The following RALYL variants were observed in gnomAD, a reference collection of about 807,000 sequenced individuals.
RALYL encodes the protein RNA-binding Raly-like protein.
In RALYL, 29 loss-of-function variants were observed where a neutral mutation model predicts 35.1. The ratio of observed to expected loss-of-function variants is 0.83; its 90% CI spans 0.61 to 1.13. RALYL has a LOEUF of 1.13. RALYL is among the 50% of genes most tolerant of loss of function. The pLI is 0.00. For missense variants in RALYL, 359 were observed against 360.4 expected (o/e 1.00, Z 0.03); for synonymous variants, 120 against 127.6 (o/e 0.94, Z 0.40).
intron 1 of RALYL, among the ~76,000 whole-genome samples, chr8:84,457,476 C>T (rs1005111394): frequency 4.6e-5 from 7 of 151,828 alleles, no homozygotes; most frequent in Middle Eastern, 3.2e-3. Flanking sequence ...TAATGATATA[C>T]AAAGTGTTGT....
intron 2 of RALYL, among the ~76,000 whole-genome samples, chr8:84,622,054 T>G (rs1480149895): frequency 3.9e-5 from 6 of 152,226 alleles, no homozygotes; most frequent in Non-Finnish European, 7.3e-5. Context: ...GTTAAAACTT[T>G]AAATGCATGG....
At chr8:84,618,369 G>T (rs1457439685) in intron 2 of RALYL, among the ~76,000 whole-genome samples, 2 of 151,652 alleles carry the variant, frequency 1.3e-5, no homozygotes, top group African/African-American at 4.9e-5. Context: ...AGATTTTGTA[G>T]TTTATTTGCA....
At chr8:84,506,218 A>C (rs1468520238) in intron 1 of RALYL, among the ~76,000 whole-genome samples, 3 of 152,092 alleles carry the variant, frequency 2.0e-5, no homozygotes, top group Non-Finnish European at 4.4e-5. Flanking sequence ...CTGCAGCTTT[A>C]TAAAGAAAGT....
chr8:84,611,497 C>G (rs974059172), intron 2 of RALYL, among the ~76,000 whole-genome samples: 3 of 152,010 alleles, frequency 2.0e-5, no homozygotes, highest in Non-Finnish European at 4.4e-5. Flanking sequence ...AATAGAGACA[C>G]TTAGAGATAT....
chr8:84,342,754 T>C (rs1418570271), intron 1 of RALYL, among the ~76,000 whole-genome samples: 1 of 151,956 alleles, frequency 6.6e-6, no homozygotes, highest in African/African-American at 2.4e-5. Context: ...TTGGCTTCCT[T>C]TGGTGTATGA....
intron 1 of RALYL, among the ~76,000 whole-genome samples, chr8:84,227,873 A>C (rs1253156383): frequency 2.6e-5 from 4 of 152,172 alleles, no homozygotes; most frequent in South Asian, 2.1e-4. Flanking sequence ...ACTATCATAA[A>C]TGGCATTTAT....
rs139204720 is a variant in RALYL, at chr8:84,523,241, A to G, written c.-23-6058A>G. ...TGAATGAAGAGCAAAGGCATGACATATGGCAGCAGGCAAGAGGGCATGTGC... is the reference window on the plus strand; with the variant it reads ...TGAATGAAGAGCAAAGGCATGACATGTGGCAGCAGGCAAGAGGGCATGTGC... On this transcript the variant is annotated intron_variant, in intron 1 of 8. Transcript: ENST00000521268. Among the ~76,000 whole-genome samples, 599 of 151,988 alleles carry G rather than the reference A, an allele frequency of 3.9e-3. 4 individuals are homozygous for G. Among genetic ancestry groups the G allele is most frequent in the South Asian group, 0.03 (146 of 4,822 alleles).
At chr8:84,517,468 A>G (rs1313943680) in intron 1 of RALYL, among the ~76,000 whole-genome samples, 1 of 152,214 alleles carries the variant, frequency 6.6e-6, no homozygotes, top group African/African-American at 2.4e-5. Context: ...GTTGATCCAC[A>G]AGAAACTGTT....
At chr8:84,719,453 G>A (rs1843500132) in intron 2 of RALYL, among the ~76,000 whole-genome samples, 1 of 152,032 alleles carries the variant, frequency 6.6e-6, no homozygotes, top group African/African-American at 2.4e-5. Context: ...TTTTTCTACT[G>A]ACAACCCTAA....
chr8:84,186,272 G>T (rs1418975757), intron 1 of RALYL, among the ~76,000 whole-genome samples: 1 of 152,060 alleles, frequency 6.6e-6, no homozygotes, highest in Non-Finnish European at 1.5e-5. Flanking sequence ...TTTGTATAGT[G>T]AGCTAATTAC....
intron 1 of RALYL, among the ~76,000 whole-genome samples, chr8:84,453,880 C>T (rs900999920): frequency 6.6e-6 from 1 of 151,898 alleles, no homozygotes; most frequent in Non-Finnish European, 1.5e-5. Flanking sequence ...CAAAATGTTG[C>T]CTACCATTTT....
intron 5 of RALYL, among the ~76,000 whole-genome samples, chr8:84,857,397 A>C (rs1256596768): frequency 6.6e-6 from 1 of 152,246 alleles, no homozygotes; most frequent in Non-Finnish European, 1.5e-5. Context: ...AAAAAGAAGA[A>C]TTGTTTTCAT....
At chr8:84,441,920 T>G (rs537838963) in intron 1 of RALYL, among the ~76,000 whole-genome samples, 2 of 152,238 alleles carry the variant, frequency 1.3e-5, no homozygotes, top group East Asian at 3.9e-4. Flanking sequence ...GGGTTATAAT[T>G]TATACAATGC....
chr8:84,429,558 T>C (rs2046919194), intron 1 of RALYL, among the ~76,000 whole-genome samples: 2 of 152,106 alleles, frequency 1.3e-5, no homozygotes, highest in African/African-American at 2.4e-5. Flanking sequence ...CAGATACATA[T>C]GCATCTCTAT....
chr8:84,362,879 C>T lies in RALYL; in HGVS notation c.-23-166420C>T, dbSNP rs147463078. On this transcript the variant is annotated intron_variant, in intron 1 of 8. Coordinates refer to ENST00000521268, the MANE Select transcript of RALYL (RefSeq NM_173848.7). ...TTTGAGTAGAAAAATAGAAGAACCACAATGTGTGGTTTAGACTAAGGGATT... is the reference window on the plus strand; with the variant it reads ...TTTGAGTAGAAAAATAGAAGAACCATAATGTGTGGTTTAGACTAAGGGATT... Among the ~76,000 whole-genome samples, 1,477 of 152,184 alleles carry T rather than the reference C, an allele frequency of 9.7e-3. 25 individuals carry two copies. The highest frequency in any genetic ancestry group is 0.034 in the African/African-American group (1,415 of 41,524).
At chr8:84,855,459 T>C (rs1296895268) in intron 5 of RALYL, among the ~76,000 whole-genome samples, 4 of 152,242 alleles carry the variant, frequency 2.6e-5, no homozygotes, top group African/African-American at 4.8e-5. Context: ...TTGACCTGTC[T>C]ATTCGTGGTT....
intron 1 of RALYL, among the ~76,000 whole-genome samples, chr8:84,328,535 A>G (rs1358463548): frequency 6.6e-6 from 1 of 152,228 alleles, no homozygotes; most frequent in Non-Finnish European, 1.5e-5. Context: ...GCAAATATGT[A>G]CTTGAAAGGT....
chr8:84,853,667 G>T (rs1030355346), intron 5 of RALYL, among the ~76,000 whole-genome samples: 2 of 152,168 alleles, frequency 1.3e-5, no homozygotes, highest in African/African-American at 4.8e-5. Context: ...ACTTGGCTAA[G>T]AAAGACATAA....
chr8:84,356,094 T>A (rs1851783732), intron 1 of RALYL, among the ~76,000 whole-genome samples: 1 of 150,102 alleles, frequency 6.7e-6, no homozygotes, highest in African/African-American at 2.5e-5. Flanking sequence ...CTTCCTTCCC[T>A]TTCATCTTCT....
Sources: allele counts gnomAD v4.1 joint callset (sites outside exome capture counted in the v4.1 genomes callset), GRCh38; gene constraint gnomAD v4.1.1; transcripts MANE v1.5; gene names NCBI Gene and HGNC (gene_info 2026-07-23, HGNC 2026-07-21).